USP7: variants seen among roughly 807,000 people sequenced by gnomAD.
USP7 encodes the protein ubiquitin C-terminal hydrolase 7.
A neutral mutation model predicts 162.9 loss-of-function variants in USP7; 9 were observed. That is an observed-to-expected ratio of 0.06 (90% CI 0.03 to 0.10). The LOEUF (loss-of-function observed/expected upper bound fraction) is 0.10, where lower values mean the gene tolerates loss of function less well. Ranked by LOEUF, USP7 falls within the 10% of genes least tolerant of loss-of-function variation. The pLI is 1.00. For missense variants in USP7, 715 were observed against 1,373.7 expected (o/e 0.52, Z 7.58); for synonymous variants, 562 against 475.9 (o/e 1.18, Z -2.35).
intron 1 of USP7, among the ~76,000 whole-genome samples, chr16:8,961,504 A>AGGGGGG (rs71155425): frequency 4.5e-4 from 27 of 60,484 alleles, no homozygotes; most frequent in Non-Finnish European, 6.3e-4. Flanking sequence ...AAAAAAAAAA[A>AGGGGGG]GGGGGGGGGG....
rs1259853383 is a variant in USP7 at position 8,930,441 on chromosome 16, C to T, written c.80-44G>A. On this transcript the variant is annotated intron_variant, in intron 1 of 30. Transcript: ENST00000344836. ...AATTCCACGGGTTTTACATTCATGG[C>T]TTTAATAGAATAAGCAAAATATAAA... The T allele has an allele frequency of 7.6e-6, 11 of 1,448,656 alleles. 1 individual carries two copies. The South Asian group carries it at 1.4e-4, about 18-fold the overall frequency. 89.7% of individuals were successfully genotyped at this position (1,448,656 alleles called of 1,614,324 possible). A position where few individuals can be genotyped will look rare whatever the true frequency, so the allele number is the denominator to read the frequency against.
At chr16:8,905,137 T>C (rs760224918) in intron 14 of USP7, 50 bp downstream of exon 14, 1 of 1,589,994 alleles carries the variant, frequency 6.3e-7, no homozygotes, top group Non-Finnish European at 8.6e-7. Context: ...ATGGTACAAA[T>C]GTCCAAGTCC....
At chr16:8,916,909 C>T (rs1381061672) in intron 7 of USP7, 117 bp downstream of exon 7, 4 of 1,194,062 alleles carry the variant, frequency 3.3e-6, no homozygotes, top group Admixed American at 3.0e-5. Flanking sequence ...GCTCAAGCCT[C>T]CCTAAATTAA....
chr16:8,916,676 T>C, intron 7 of USP7, 120 bp from the exon 8 acceptor site: 1 of 1,043,292 alleles, frequency 9.6e-7, no homozygotes, highest in East Asian at 2.5e-5. Flanking sequence ...ATTCCTTTTC[T>C]GTGAAGATTA....
intron 13 of USP7, 145 bp downstream of exon 13, chr16:8,906,281 G>T: frequency 1.1e-6 from 1 of 886,924 alleles, no homozygotes; most frequent in Non-Finnish European, 1.6e-6. Context: ...TAAATGGATG[G>T]GAAAACAGCA....
At chr16:8,917,683 C>T (rs1897449953) in intron 6 of USP7, among the ~76,000 whole-genome samples, 1 of 151,792 alleles carries the variant, frequency 6.6e-6, no homozygotes, top group African/African-American at 2.4e-5. Context: ...CCAGCCTCAC[C>T]CATATGTTCT....
At chr16:8,934,402 C>G (rs1834304816) in intron 1 of USP7, among the ~76,000 whole-genome samples, 1 of 152,118 alleles carries the variant, frequency 6.6e-6, no homozygotes, top group African/African-American at 2.4e-5. Flanking sequence ...TGCATTGTCT[C>G]CAAAAGTTAC....
chr16:8,897,289 T>G (rs1213887776), intron 25 of USP7, 190 bp from the exon 26 acceptor site: 2 of 573,140 alleles, frequency 3.5e-6, no homozygotes, highest in Non-Finnish European at 6.2e-6. Flanking sequence ...GGCCCTAATC[T>G]AGGACCAACC....
intron 1 of USP7, among the ~76,000 whole-genome samples, chr16:8,946,106 T>C (rs988145300): frequency 1.3e-5 from 2 of 152,104 alleles, no homozygotes; most frequent in East Asian, 3.9e-4. Context: ...AAATGGACTC[T>C]ACAGCCCCTC....
intron 10 of USP7, among the ~76,000 whole-genome samples, chr16:8,911,501 G>A (rs570405949): frequency 2.6e-5 from 4 of 152,186 alleles, no homozygotes; most frequent in Non-Finnish European, 4.4e-5. Context: ...GTCCTGCTCC[G>A]GTCATGAAGG....
At chr16:8,917,001 G>A (rs1897409225) in intron 7 of USP7, 25 bp downstream of exon 7, 3 of 1,528,948 alleles carry the variant, frequency 2.0e-6, no homozygotes, top group Non-Finnish European at 1.7e-6. Context: ...AAGCAGAATG[G>A]CAAAGGCAGA....
At chr16:8,942,041 A>T (rs1356960050) in intron 1 of USP7, among the ~76,000 whole-genome samples, 1 of 152,248 alleles carries the variant, frequency 6.6e-6, no homozygotes, top group Non-Finnish European at 1.5e-5. Context: ...AGAGTGCAAG[A>T]AGCCTGCCGG....
intron 10 of USP7, among the ~76,000 whole-genome samples, chr16:8,912,806 A>G (rs986029500): frequency 9.2e-5 from 14 of 152,230 alleles, no homozygotes; most frequent in African/African-American, 3.4e-4. Context: ...AAGAAGAGAT[A>G]AAGATTTTCA....
intron 1 of USP7, among the ~76,000 whole-genome samples, chr16:8,931,948 T>G (rs1898372501): frequency 6.6e-6 from 1 of 152,226 alleles, no homozygotes; most frequent in Non-Finnish European, 1.5e-5. Context: ...ACAGGAGATG[T>G]GCTTTTTAAC....
intron 10 of USP7, among the ~76,000 whole-genome samples, chr16:8,912,648 A>C (rs1180117299): frequency 1.3e-5 from 2 of 151,992 alleles, no homozygotes; most frequent in Non-Finnish European, 2.9e-5. Flanking sequence ...TACTAAGAAG[A>C]GACACAGGGC....
Position 8,923,431 on chromosome 16 carries a change from CATCA to C in USP7, c.185-22_185-19del, listed in dbSNP as rs1567227240. On this transcript the variant is annotated intron_variant, in intron 2 of 30. Coordinates refer to ENST00000344836, the MANE Select transcript of USP7 (RefSeq NM_003470.3). ...ACTGGTGTCTGCAAAAAAAACACAT[CATCA>C]GTCACAGAGCCTGTGCATTGACCAA... The C allele has an allele frequency of 6.2e-7, 1 of 1,613,342 alleles. No individual in the cohort carries two copies. The highest frequency in any genetic ancestry group is 8.5e-7 in the Non-Finnish European group (1 of 1,179,580).
chr16:8,929,377 G>A (rs1302898456), intron 2 of USP7: 1 of 422,924 alleles, frequency 2.4e-6, no homozygotes, highest in Non-Finnish European at 4.7e-6. Flanking sequence ...ACCTTCCTCA[G>A]ATATTGCCTC....
intron 1 of USP7, among the ~76,000 whole-genome samples, chr16:8,961,912 C>T (rs1003784575): frequency 6.6e-6 from 1 of 152,226 alleles, no homozygotes; most frequent in Non-Finnish European, 1.5e-5. Flanking sequence ...GCTCTTCTGT[C>T]CCCCATTACT....
At chr16:8,914,729 G>A (rs1396980185) in intron 10 of USP7, among the ~76,000 whole-genome samples, 1 of 151,826 alleles carries the variant, frequency 6.6e-6, no homozygotes, top group Non-Finnish European at 1.5e-5. Context: ...ACCAGCCTGA[G>A]CAACAAAGTA....
Sources: gnomAD v4.1 joint callset for allele counts (sites outside exome capture counted in the v4.1 genomes callset) on GRCh38, gnomAD v4.1.1 for gene constraint, MANE v1.5 for transcripts, NCBI Gene and HGNC (gene_info 2026-07-23, HGNC 2026-07-21) for gene names.